The following TRPC3 variants were observed in gnomAD, a reference collection of about 807,000 sequenced individuals.
TRPC3 encodes short transient receptor potential channel 3.
In TRPC3, 54 loss-of-function variants were observed where a neutral mutation model predicts 90.9. The observed-to-expected ratio is 0.59, with a 90% CI of 0.48 to 0.75. The LOEUF (loss-of-function observed/expected upper bound fraction) is 0.75, where lower values mean the gene tolerates loss of function less well. Among genes scored for constraint, TRPC3 ranks in the 30% least tolerant of loss-of-function variants. The probability of loss-of-function intolerance (pLI) is 0.00; values close to 1 mark genes in which losing one functional copy is unlikely to be tolerated. For missense variants in TRPC3, 918 were observed against 1,194.5 expected, an observed-to-expected ratio of 0.77 and a Z score of 3.41; for synonymous variants, 424 against 450.9, an observed-to-expected ratio of 0.94 and a Z score of 0.75.
chr4:121,937,167 C>T (rs991720950), intron 1 of TRPC3, among the ~76,000 whole-genome samples: 11 of 152,196 alleles, frequency 7.2e-5, no homozygotes. Flanking sequence ...ACTTGGACTG[C>T]TTGTTGAAAT....
rs1310724726 is a variant in TRPC3, at chr4:121,951,169, A to G, written c.215+297T>C. ...CTAATACAGGGAGTGGCTGCTCGCC[A>G]GGATGCTTGTCTGAAGTCAGTGTGC... On this transcript the variant is annotated intron_variant, in intron 1 of 11. Coordinates refer to ENST00000379645, the MANE Select transcript of TRPC3 (RefSeq NM_001130698.2). This position sits in a 1 kb window ranked among gnomAD's most constrained non-coding sequence, Gnocchi z 4.4. 1.3e-5 allele frequency among the ~76,000 whole-genome samples: 2 copies of G among 152,282 alleles called. No individual in the cohort carries two copies. Among genetic ancestry groups the G allele is most frequent in the East Asian group, 3.9e-4 (2 of 5,154 alleles).
chr4:121,892,283 C>T (rs1489477089), intron 10 of TRPC3, among the ~76,000 whole-genome samples: 1 of 152,182 alleles, frequency 6.6e-6, no homozygotes, highest in Non-Finnish European at 1.5e-5. Context: ...TTCTCTTCCA[C>T]AGCTTTTTAG....
At chr4:121,942,476 C>A (rs994624853) in intron 1 of TRPC3, among the ~76,000 whole-genome samples, 1 of 152,140 alleles carries the variant, frequency 6.6e-6, no homozygotes, top group Non-Finnish European at 1.5e-5. Context: ...GCACAAGAAT[C>A]AAGAATGGCT....
chr4:121,893,214 G>A (rs1381568019), intron 10 of TRPC3, among the ~76,000 whole-genome samples: 1 of 151,900 alleles, frequency 6.6e-6, no homozygotes, highest in South Asian at 2.1e-4. Context: ...GTGTGCGTGT[G>A]TGCGTGTGTA....
intron 1 of TRPC3, among the ~76,000 whole-genome samples, chr4:121,943,192 C>T (rs542793094): frequency 1.3e-5 from 2 of 151,834 alleles, no homozygotes; most frequent in Non-Finnish European, 2.9e-5. Flanking sequence ...ATTTTCCCCC[C>T]CTAGATTACA....
At chr4:121,883,889 T>C (rs558709825) in intron 10 of TRPC3, among the ~76,000 whole-genome samples, 2 of 152,260 alleles carry the variant, frequency 1.3e-5, no homozygotes, top group East Asian at 1.9e-4. Context: ...TCTTTTAAAG[T>C]TGAACATTTA....
intron 1 of TRPC3, among the ~76,000 whole-genome samples, chr4:121,947,005 A>C (rs995926835): frequency 3.3e-5 from 5 of 151,812 alleles, no homozygotes; most frequent in Non-Finnish European, 5.9e-5. Context: ...CAACATAGTG[A>C]GACCTCATCG....
At chr4:121,917,007 G>A (rs375498722) in intron 3 of TRPC3, among the ~76,000 whole-genome samples, 1 of 152,110 alleles carries the variant, frequency 6.6e-6, no homozygotes. Context: ...GAGCCACCAC[G>A]CCTGGCCGAG....
At chr4:121,898,882 G>T (rs1728607222) in intron 10 of TRPC3, among the ~76,000 whole-genome samples, 1 of 151,708 alleles carries the variant, frequency 6.6e-6, no homozygotes, top group Admixed American at 6.6e-5. Flanking sequence ...TTAAAAAAAA[G>T]ACTTTGACAA....
intron 1 of TRPC3, among the ~76,000 whole-genome samples, chr4:121,933,872 A>G (rs1291543210): frequency 1.3e-5 from 2 of 152,212 alleles, no homozygotes; most frequent in African/African-American, 2.4e-5. Flanking sequence ...GCAATTATAA[A>G]ATTTGAGCAT....
In TRPC3 at chr4:121,879,653, T is replaced by G. The variant is rs564207200; in HGVS notation, c.*83A>C. 6.8e-7 allele frequency: 1 copy of G among 1,463,202 alleles called. No homozygotes were observed. The highest frequency in any genetic ancestry group is 2.5e-5 in the East Asian group (1 of 40,760). The allele number at this position is 1,463,202 out of a possible 1,614,324, so 90.6% of individuals were successfully genotyped here. On this transcript the variant is annotated 3_prime_UTR_variant, in exon 12 of 12. Transcript: ENST00000379645. ...AGGTAGTTAATACTAAAAATTTACATCATAGTTTTTCAAGTATTTCATACT... is the reference window on the plus strand; with the variant it reads ...AGGTAGTTAATACTAAAAATTTACAGCATAGTTTTTCAAGTATTTCATACT...
At chr4:121,889,813 T>A (rs1017278240) in intron 10 of TRPC3, among the ~76,000 whole-genome samples, 3 of 152,146 alleles carry the variant, frequency 2.0e-5, no homozygotes, top group Admixed American at 6.5e-5. Flanking sequence ...ATCCCACTAC[T>A]GGTATATACC....
At position 121,878,576 on chromosome 4, in the gene TRPC3, T is replaced by G. The variant is rs964102532; in HGVS notation, c.*1160A>C. 6.6e-6 allele frequency among the ~76,000 whole-genome samples: 1 copy of G among 152,198 alleles called. No homozygotes were observed. The highest frequency in any genetic ancestry group is 1.5e-5 in the Non-Finnish European group (1 of 68,026). On this transcript the variant is annotated 3_prime_UTR_variant, in exon 12 of 12. Transcript: ENST00000379645. Reference sequence around the variant, plus strand: ...TACTGGTCTGCATGCCTTTTCCCATTAAAGTCAAGAGGCATTGCGGATATT... The same window carrying G: ...TACTGGTCTGCATGCCTTTTCCCATGAAAGTCAAGAGGCATTGCGGATATT...
intron 10 of TRPC3, among the ~76,000 whole-genome samples, chr4:121,891,354 A>C (rs940609284): frequency 2.6e-5 from 4 of 152,202 alleles, no homozygotes; most frequent in Non-Finnish European, 4.4e-5. Flanking sequence ...CCAAAAGACA[A>C]AGTTAAGCTA....
In TRPC3 at chr4:121,951,699, A is replaced by G; in HGVS notation, c.-19T>C. ...TGGACATCGCGCCGGCTGCGGTCCG[A>G]GTGTGGGGGTGCCGGCTGCCGGCCT... On this transcript the variant is annotated 5_prime_UTR_variant, in exon 1 of 12. Coordinates refer to ENST00000379645, the MANE Select transcript of TRPC3 (RefSeq NM_001130698.2). This position sits in a 1 kb window ranked among gnomAD's most constrained non-coding sequence, Gnocchi z 4.4. 7.7e-7 allele frequency: 1 copy of G among 1,297,054 alleles called. No homozygotes were observed. Among genetic ancestry groups the G allele is most frequent in the African/African-American group, 1.5e-5 (1 of 64,778 alleles). The allele number at this position is 1,297,054 out of a possible 1,614,324, so 80.3% of individuals were successfully genotyped here.
At chr4:121,946,513 A>C (rs1302295278) in intron 1 of TRPC3, among the ~76,000 whole-genome samples, 1 of 152,248 alleles carries the variant, frequency 6.6e-6, no homozygotes, top group Non-Finnish European at 1.5e-5. Context: ...CAATGATTAC[A>C]TGGTCATATT....
At chr4:121,893,742 C>T (rs1407983689) in intron 10 of TRPC3, among the ~76,000 whole-genome samples, 1 of 152,084 alleles carries the variant, frequency 6.6e-6, no homozygotes, top group East Asian at 1.9e-4. Context: ...TAAGTCATAA[C>T]ACAAAGGCTA....
Position 121,878,419 on chromosome 4 carries a change from C to T in TRPC3, c.*1317G>A, listed in dbSNP as rs576480993. 2.0e-5 allele frequency among the ~76,000 whole-genome samples: 3 copies of T among 150,162 alleles called. No individual in the cohort carries two copies. The highest frequency in any genetic ancestry group is 4.4e-5 in the Non-Finnish European group (3 of 67,808). ...AAATCTTTGATCTATGATCACAATT[C>T]GTATTCCTATACGACTTGACAGCAA... On this transcript the variant is annotated 3_prime_UTR_variant, in exon 12 of 12. Coordinates refer to ENST00000379645, the MANE Select transcript of TRPC3 (RefSeq NM_001130698.2).
chr4:121,893,090 C>T (rs953778885), intron 10 of TRPC3, among the ~76,000 whole-genome samples: 6 of 138,114 alleles, frequency 4.3e-5, no homozygotes, highest in African/African-American at 1.4e-4. Flanking sequence ...CACTGCACTC[C>T]AGCCTGGGCA....
Sources: allele counts gnomAD v4.1 joint callset (sites outside exome capture counted in the v4.1 genomes callset), GRCh38; gene constraint gnomAD v4.1.1; non-coding constraint Gnocchi (gnomAD v3.1); transcripts MANE v1.5; gene names NCBI Gene and HGNC (gene_info 2026-07-23, HGNC 2026-07-21).